TBX15: variants seen among roughly 807,000 people sequenced by gnomAD.
TBX15 encodes T-box transcription factor 15, also known as T-box transcription factor TBX15.
Under a neutral mutation model 53.9 loss-of-function variants are expected in TBX15, and 18 were observed. The observed-to-expected ratio is 0.33, with a 90% CI of 0.23 to 0.49. TBX15 has a LOEUF of 0.49. TBX15 is among the 20% of genes least tolerant of loss of function. The pLI is 0.98. For missense variants in TBX15, 692 were observed against 749.5 expected (o/e 0.92, Z 0.90); for synonymous variants, 295 against 278.0 (o/e 1.06, Z -0.61).
At chr1:118,955,466 G>C (rs1233877447) in intron 1 of TBX15, among the ~76,000 whole-genome samples, 2 of 152,124 alleles carry the variant, frequency 1.3e-5, no homozygotes, top group Non-Finnish European at 1.5e-5. Flanking sequence ...ATGAATAATG[G>C]GGGATGCTAA....
chr1:118,958,731 C>T (rs1656773337), intron 1 of TBX15, among the ~76,000 whole-genome samples: 1 of 152,080 alleles, frequency 6.6e-6, no homozygotes, highest in Admixed American at 6.6e-5. Context: ...CTGCATTTCA[C>T]CAATGTCTTA....
intron 6 of TBX15, among the ~76,000 whole-genome samples, chr1:118,908,722 A>G (rs1401640774): frequency 6.6e-6 from 1 of 151,990 alleles, no homozygotes; most frequent in African/African-American, 2.4e-5. Flanking sequence ...CCACGACGTG[A>G]ACACACACGT....
chr1:118,914,222 G>A, intron 5 of TBX15, 43 bp from the exon 6 acceptor site: 1 of 1,566,054 alleles, frequency 6.4e-7, no homozygotes, highest in Non-Finnish European at 8.8e-7. Flanking sequence ...TATATTAACT[G>A]ATTTCTTTCT....
Position 118,893,617 on chromosome 1 carries a change from G to GAAAGAAAGAAAA in TBX15, c.1024+5410_1024+5411insTTTTCTTTCTTT, listed in dbSNP as rs1354805382. The stretch of plus-strand genomic sequence containing the variant: ...AAGGAAGGAAAGAAAGAAAGAAAGA[G>GAAAGAAAGAAAA]AGAGAGAAAGAAAAAGAAAGAAAGA... On this transcript the variant is annotated intron_variant, in intron 7 of 7. Transcript: ENST00000369429. 2.4e-3 allele frequency among the ~76,000 whole-genome samples: 259 copies of GAAAGAAAGAAAA among 106,366 alleles called. 21 individuals are homozygous for GAAAGAAAGAAAA. Among genetic ancestry groups the GAAAGAAAGAAAA allele is most frequent in the African/African-American group, 9.6e-3 (236 of 24,514 alleles). 69.8% of individuals were successfully genotyped at this position (106,366 alleles called of 152,430 possible).
chr1:118,900,305 C>A (rs1361650574), intron 6 of TBX15, among the ~76,000 whole-genome samples: 1 of 152,190 alleles, frequency 6.6e-6, no homozygotes, highest in East Asian at 1.9e-4. Context: ...CTTCTGCTGC[C>A]TGTGTTTCTT....
At position 118,924,813 on chromosome 1, in the gene TBX15, C is replaced by T. The variant is rs757723898; in HGVS notation, c.526G>A (p.Val176Met). ...ACCATCCACTTGGAGCTATGATACA[C>T]ATATCTGAGATAAAGAGGAAGAGAG... is the stretch of plus-strand genomic sequence containing the variant. ...VPVDNKRYRY[V>M]YHSSKWMVAG... Residue 176 changes from valine to methionine, a missense_variant, in exon 4 of 8, where the codon GTG becomes ATG. Val to Met is a conservative substitution (Grantham distance 21, BLOSUM62 1). Transcript: ENST00000369429. 3.1e-6 allele frequency: 5 copies of T among 1,613,678 alleles called. No homozygotes were observed. The highest frequency in any genetic ancestry group is 1.3e-5 in the African/African-American group (1 of 74,790).
Position 118,884,401 on chromosome 1 carries a change from G to T in TBX15, c.*331C>A. 2.7e-6 allele frequency: 1 copy of T among 372,726 alleles called. No individual in the cohort carries two copies. The highest frequency in any genetic ancestry group is 5.9e-5 in the East Asian group (1 of 16,990). 23.1% of individuals were successfully genotyped at this position (372,726 alleles called of 1,614,324 possible). A position where few individuals can be genotyped will look rare whatever the true frequency, so the allele number is the denominator to read the frequency against. The stretch of plus-strand genomic sequence containing the variant: ...GGGTGTGTATGTGTAACTTTTCATG[G>T]CTGCCACACACTAGCATCTCCCTTA... On this transcript the variant is annotated 3_prime_UTR_variant, in exon 8 of 8. Coordinates refer to ENST00000369429, the MANE Select transcript of TBX15 (RefSeq NM_001330677.2).
At position 118,884,636 on chromosome 1, in the gene TBX15, G is replaced by C. The variant is rs17022673; in HGVS notation, c.*96C>G. 3.3e-5 allele frequency: 37 copies of C among 1,124,076 alleles called. 1 individual carries two copies. The East Asian group carries it at 9.2e-4, about 28-fold the overall frequency. The allele number at this position is 1,124,076 out of a possible 1,614,324, so 69.6% of individuals were successfully genotyped here. A position where few individuals can be genotyped will look rare whatever the true frequency, so the allele number is the denominator to read the frequency against. On this transcript the variant is annotated 3_prime_UTR_variant, in exon 8 of 8. Coordinates refer to ENST00000369429, the MANE Select transcript of TBX15 (RefSeq NM_001330677.2). ...AAAAAAAAAAAAAAACACGGTTCCTGTTTTTCAAAGACACTGGACTCCCAA... is the reference window on the plus strand; with the variant it reads ...AAAAAAAAAAAAAAACACGGTTCCTCTTTTTCAAAGACACTGGACTCCCAA...
chr1:118,929,774 T>G (rs1655719427), intron 2 of TBX15, among the ~76,000 whole-genome samples: 1 of 151,914 alleles, frequency 6.6e-6, no homozygotes, highest in Admixed American at 6.6e-5. Flanking sequence ...CGAAGTGATA[T>G]CAGGAACAAA....
chr1:118,959,148 G>C (rs1241266213), intron 1 of TBX15, among the ~76,000 whole-genome samples: 1 of 152,112 alleles, frequency 6.6e-6, no homozygotes, highest in African/African-American at 2.4e-5. Flanking sequence ...ATGTGGAATA[G>C]AGTGGGAAAT....
At chr1:118,887,163 T>C (rs1206901389) in intron 7 of TBX15, among the ~76,000 whole-genome samples, 3 of 152,194 alleles carry the variant, frequency 2.0e-5, no homozygotes, top group South Asian at 2.1e-4. Context: ...TTGTCTTCCA[T>C]AGGGAATCTT....
intron 1 of TBX15, among the ~76,000 whole-genome samples, chr1:118,983,191 T>TG (rs1657703175): frequency 6.6e-6 from 1 of 152,150 alleles, no homozygotes; most frequent in African/African-American, 2.4e-5. Flanking sequence ...AAGGGACCTT[T>TG]GGAGATGCAA....
intron 6 of TBX15, among the ~76,000 whole-genome samples, chr1:118,909,135 C>T (rs193206709): frequency 4.6e-5 from 7 of 152,328 alleles, no homozygotes; most frequent in Admixed American, 2.6e-4. Context: ...AATGTGGACT[C>T]ACTGGGGCTC....
At chr1:118,895,026 G>T (rs1455262841) in intron 7 of TBX15, among the ~76,000 whole-genome samples, 1 of 152,152 alleles carries the variant, frequency 6.6e-6, no homozygotes, top group African/African-American at 2.4e-5. Context: ...TATCATTACA[G>T]TGACGTCATA....
intron 1 of TBX15, among the ~76,000 whole-genome samples, chr1:118,955,952 G>T (rs550948721): frequency 6.6e-6 from 1 of 152,256 alleles, no homozygotes; most frequent in Non-Finnish European, 1.5e-5. Context: ...TGAGCTGTGG[G>T]TCATGCCTGG....
intron 1 of TBX15, among the ~76,000 whole-genome samples, chr1:118,947,220 C>T (rs916647974): frequency 1.1e-4 from 16 of 152,332 alleles, no homozygotes; most frequent in African/African-American, 3.4e-4. Flanking sequence ...GGCAATGGAG[C>T]CTGCCCATGA....
intron 1 of TBX15, among the ~76,000 whole-genome samples, chr1:118,975,162 T>C (rs958125270): frequency 6.6e-6 from 1 of 152,202 alleles, no homozygotes; most frequent in African/African-American, 2.4e-5. Context: ...ATGTAGTCAC[T>C]ACACTTCAGA....
chr1:118,978,394 G>T (rs1407465843), intron 1 of TBX15, among the ~76,000 whole-genome samples: 1 of 152,166 alleles, frequency 6.6e-6, no homozygotes, highest in Non-Finnish European at 1.5e-5. Context: ...CAAAACCAAA[G>T]TTAGGATCAC....
intron 1 of TBX15, among the ~76,000 whole-genome samples, chr1:118,959,321 AAG>A (rs1656791127): frequency 6.6e-6 from 1 of 152,192 alleles, no homozygotes; most frequent in Non-Finnish European, 1.5e-5. Context: ...AGACATCTGC[AAG>A]AGAGACCATC....
Sources: gnomAD v4.1 joint callset for allele counts (sites outside exome capture counted in the v4.1 genomes callset) on GRCh38, gnomAD v4.1.1 for gene constraint, MANE v1.5 for transcripts, NCBI Gene and HGNC (gene_info 2026-07-23, HGNC 2026-07-21) for gene names.